Variants in GMPS observed in about 807,000 individuals in gnomAD.
GMPS encodes the protein GMP synthase [glutamine-hydrolyzing].
In GMPS, 15 loss-of-function variants were observed where a neutral mutation model predicts 77.9. That is an observed-to-expected ratio of 0.19 (90% CI 0.13 to 0.30). The LOEUF (loss-of-function observed/expected upper bound fraction) is 0.30, where lower values mean the gene tolerates loss of function less well. Among genes scored for constraint, GMPS ranks in the 10% least tolerant of loss-of-function variants. The pLI is 1.00. For missense variants in GMPS, 590 were observed against 838.8 expected (o/e 0.70, Z 3.66); for synonymous variants, 224 against 275.9 (o/e 0.81, Z 1.86).
At chr3:155,872,828 G>A (rs1753936296) in intron 1 of GMPS, among the ~76,000 whole-genome samples, 1 of 152,136 alleles carries the variant, frequency 6.6e-6, no homozygotes, top group African/African-American at 2.4e-5. Context: ...AACATCTGGA[G>A]AATTAATATA....
intron 1 of GMPS, among the ~76,000 whole-genome samples, chr3:155,888,364 T>C (rs1257833299): frequency 6.6e-6 from 1 of 152,156 alleles, no homozygotes; most frequent in Non-Finnish European, 1.5e-5. Context: ...ATTCTAGTTT[T>C]GAGCTGAGGA....
intron 1 of GMPS, among the ~76,000 whole-genome samples, chr3:155,889,533 T>G (rs894152751): frequency 1.5e-4 from 23 of 152,200 alleles, no homozygotes; most frequent in African/African-American, 5.5e-4. Flanking sequence ...AAGGCTGGAT[T>G]GCTTCCCACG....
At chr3:155,880,019 T>G (rs1560035431) in intron 1 of GMPS, among the ~76,000 whole-genome samples, 1 of 152,050 alleles carries the variant, frequency 6.6e-6, no homozygotes, top group Non-Finnish European at 1.5e-5. Flanking sequence ...TGCCATTCTG[T>G]AGATTATCTT....
chr3:155,932,809 A>G (rs1755659612), intron 13 of GMPS, among the ~76,000 whole-genome samples: 1 of 152,230 alleles, frequency 6.6e-6, no homozygotes, highest in Admixed American at 6.5e-5. Flanking sequence ...CGATGGGAAC[A>G]TGCTCATTCA....
At chr3:155,884,584 T>G (rs1377804435) in intron 1 of GMPS, among the ~76,000 whole-genome samples, 1 of 152,104 alleles carries the variant, frequency 6.6e-6, no homozygotes, top group Non-Finnish European at 1.5e-5. Flanking sequence ...TGGCGTTGTT[T>G]TCAAAGGTTA....
At chr3:155,878,985 G>A (rs1340130686) in intron 1 of GMPS, among the ~76,000 whole-genome samples, 5 of 152,084 alleles carry the variant, frequency 3.3e-5, no homozygotes, top group African/African-American at 1.2e-4. Flanking sequence ...ATATACAAGG[G>A]CAGAAGGTGT....
At chr3:155,920,510 G>GACAA (rs1755291488) in intron 10 of GMPS, among the ~76,000 whole-genome samples, 3 of 150,410 alleles carry the variant, frequency 2.0e-5, no homozygotes, top group Non-Finnish European at 4.4e-5. Context: ...GGGAGGCAGA[G>GACAA]GTTGCAGTGA....
At chr3:155,904,516 C>T (rs1577515579) in intron 4 of GMPS, among the ~76,000 whole-genome samples, 1 of 152,096 alleles carries the variant, frequency 6.6e-6, no homozygotes, top group African/African-American at 2.4e-5. Flanking sequence ...TCTCAAACTC[C>T]TAGACCTCGT....
chr3:155,870,944 C>G lies in GMPS; in HGVS notation c.27+47C>G. 2.8e-6 allele frequency: 4 copies of G among 1,417,974 alleles called. No individual in the cohort carries two copies. The South Asian group carries it at 4.4e-5, about 15-fold the overall frequency. The allele number at this position is 1,417,974 out of a possible 1,614,324, so 87.8% of individuals were successfully genotyped here. ...GCACCGCATCCCGGCGGAGGCGAGG[C>G]TCCCGGACCGGGGAGCCACCCCGCG... On this transcript the variant is annotated intron_variant, in intron 1 of 15. Transcript: ENST00000496455.
chr3:155,884,076 A>G lies in GMPS; in HGVS notation c.28-9442A>G, dbSNP rs141486903. 6.8e-3 allele frequency among the ~76,000 whole-genome samples: 1,032 copies of G among 151,068 alleles called. 17 individuals carry two copies. Among genetic ancestry groups the G allele is most frequent in the African/African-American group, 0.024 (996 of 41,388 alleles). On this transcript the variant is annotated intron_variant, in intron 1 of 15. Transcript: ENST00000496455. Reference sequence around the variant, plus strand: ...TTTATTATATTAATAATATATTAATATTAAAAGGATTTAAATATCATGAGG... The same window carrying G: ...TTTATTATATTAATAATATATTAATGTTAAAAGGATTTAAATATCATGAGG...
chr3:155,937,967 C>T lies in GMPS; in HGVS notation c.*275C>T. The T allele has an allele frequency of 3.0e-6, 1 of 337,314 alleles. No homozygotes were observed. Among genetic ancestry groups the T allele is most frequent in the Non-Finnish European group, 5.4e-6 (1 of 184,896 alleles). The allele number at this position is 337,314 out of a possible 1,614,324, so 20.9% of individuals were successfully genotyped here. ...CTCACTTATTCTTTATGTATAAATT[C>T]ACTGTTGATGTCTCTGTGAATATGT... On this transcript the variant is annotated 3_prime_UTR_variant, in exon 16 of 16. Transcript: ENST00000496455.
Position 155,942,819 on chromosome 3 carries a change from A to G in GMPS, c.*5127A>G, listed in dbSNP as rs1410413072. On this transcript the variant is annotated 3_prime_UTR_variant, in exon 16 of 16. Transcript: ENST00000496455. ...ATGAAACAGACTGAGCTATTATTGC[A>G]TCAACACATAAATCCTGTCATTTGG... is the stretch of plus-strand genomic sequence containing the variant. 4.6e-6 allele frequency: 1 copy of G among 217,944 alleles called. No homozygotes were observed. Among genetic ancestry groups the G allele is most frequent in the Non-Finnish European group, 9.2e-6 (1 of 108,506 alleles). 13.5% of individuals were successfully genotyped at this position (217,944 alleles called of 1,614,324 possible). A position where few individuals can be genotyped will look rare whatever the true frequency, so the allele number is the denominator to read the frequency against.
In GMPS at chr3:155,919,351, A is replaced by G; in HGVS notation, c.1318+13A>G. 1 of 1,373,054 alleles carries G rather than the reference A, an allele frequency of 7.3e-7. No homozygotes were observed. The highest frequency in any genetic ancestry group is 1.2e-5 in the South Asian group (1 of 81,362). The allele number at this position is 1,373,054 out of a possible 1,614,324, so 85.1% of individuals were successfully genotyped here. A position where few individuals can be genotyped will look rare whatever the true frequency, so the allele number is the denominator to read the frequency against. On this transcript the variant is annotated intron_variant, in intron 10 of 15. Transcript: ENST00000496455. ...CATCCATTTCCAGGTAAAAATTAGA[A>G]CTGAATTTTGTTTGATTCATCTTTA...
chr3:155,926,768 T>C (rs552931319), intron 12 of GMPS, among the ~76,000 whole-genome samples: 28 of 152,312 alleles, frequency 1.8e-4, no homozygotes, highest in Non-Finnish European at 3.4e-4. Flanking sequence ...TTCATGCCTG[T>C]AATCCCAGCA....
chr3:155,871,284 C>G (rs535209085), intron 1 of GMPS, among the ~76,000 whole-genome samples: 13 of 152,156 alleles, frequency 8.5e-5, no homozygotes, highest in African/African-American at 2.9e-4. Flanking sequence ...CGGCTCCCAC[C>G]CCGTCCCTCT....
At chr3:155,870,436 C>G (rs1212545248), upstream of GMPS, 1 of 181,834 alleles carries the variant, frequency 5.5e-6, no homozygotes, top group African/African-American at 2.3e-5. Flanking sequence ...GTGGATGCCG[C>G]GGGCTCCTCC....
At chr3:155,923,745 A>G (rs1309331902) in intron 11 of GMPS, among the ~76,000 whole-genome samples, 3 of 152,220 alleles carry the variant, frequency 2.0e-5, no homozygotes, top group Non-Finnish European at 4.4e-5. Flanking sequence ...CCCTGGCTGT[A>G]TGTTAGAATC....
chr3:155,870,690 C>G lies in GMPS; in HGVS notation c.-181C>G, dbSNP rs1451938598. On this transcript the variant is annotated 5_prime_UTR_variant, in exon 1 of 16. Transcript: ENST00000496455. Reference sequence around the variant, plus strand: ...GGTCTTCTCTCCCGCGGCGCTGGGGCCCGCGCTCCGCTGCTGTTGCTCCAT... The same window carrying G: ...GGTCTTCTCTCCCGCGGCGCTGGGGGCCGCGCTCCGCTGCTGTTGCTCCAT... The G allele has an allele frequency of 5.8e-6, 3 of 519,810 alleles. No individual in the cohort carries two copies. Among genetic ancestry groups the G allele is most frequent in the Non-Finnish European group, 6.8e-6 (2 of 293,090 alleles). The allele number at this position is 519,810 out of a possible 1,614,324, so 32.2% of individuals were successfully genotyped here.
intron 1 of GMPS, among the ~76,000 whole-genome samples, chr3:155,890,095 G>A (rs1754428342): frequency 6.6e-6 from 1 of 152,098 alleles, no homozygotes; most frequent in African/African-American, 2.4e-5. Flanking sequence ...TTTACTAGTG[G>A]GAGCCTTTTT....
Sources: gnomAD v4.1 joint callset for allele counts (sites outside exome capture counted in the v4.1 genomes callset) on GRCh38, gnomAD v4.1.1 for gene constraint, MANE v1.5 for transcripts, NCBI Gene and HGNC (gene_info 2026-07-23, HGNC 2026-07-21) for gene names.